The following ANK1 variants were observed in gnomAD, a reference collection of about 807,000 sequenced individuals.
The protein encoded by ANK1 is ankyrin-1.
A neutral mutation model predicts 210.4 loss-of-function variants in ANK1; 51 were observed. The observed-to-expected ratio is 0.24, with a 90% CI of 0.19 to 0.31. ANK1 has a LOEUF of 0.31. ANK1 is among the 10% of genes least tolerant of loss of function. The pLI is 1.00. For synonymous variants in ANK1, 967 were observed against 1,025.9 expected (o/e 0.94, Z 1.10); for missense variants, 2,051 against 2,504.4 (o/e 0.82, Z 3.86).
intron 24 of ANK1, 169 bp downstream of exon 24, chr8:41,697,874 C>T (rs1330013970): frequency 1.4e-6 from 1 of 727,500 alleles, no homozygotes; most frequent in South Asian, 1.5e-5. Flanking sequence ...CCAGCGCCAC[C>T]AATGTTGCAC....
At chr8:41,801,923 C>A (rs957851186), upstream of ANK1, among the ~76,000 whole-genome samples, 4 of 152,154 alleles carry the variant, frequency 2.6e-5, no homozygotes, top group Non-Finnish European at 5.9e-5. Flanking sequence ...AAGGAGTCCA[C>A]TTCTACCCTG....
intron 1 of ANK1, among the ~76,000 whole-genome samples, chr8:41,864,429 C>A (rs1377767831): frequency 6.6e-6 from 1 of 152,128 alleles, no homozygotes; most frequent in Non-Finnish European, 1.5e-5. Flanking sequence ...GGCGAGCCAG[C>A]CTGTGAGTGC....
At chr8:41,751,620 A>T (rs1364163440) in intron 2 of ANK1, among the ~76,000 whole-genome samples, 1 of 152,106 alleles carries the variant, frequency 6.6e-6, no homozygotes, top group Non-Finnish European at 1.5e-5. Context: ...AGACCAACAC[A>T]TCTGGGGTGA....
In ANK1 at chr8:41,831,362, T is replaced by C. The variant is rs768781280; in HGVS notation, c.126+64993A>G. ...TATTTACCTGATAAATGAAAACCCATGTTTGCCGGGCATGGTGGCTCATGC... is the reference window on the plus strand; with the variant it reads ...TATTTACCTGATAAATGAAAACCCACGTTTGCCGGGCATGGTGGCTCATGC... On this transcript the variant is annotated intron_variant, in intron 1 of 42. Coordinates refer to the ANK1 transcript ENST00000265709. Among the ~76,000 whole-genome samples, 4 of 152,122 alleles carry C rather than the reference T, an allele frequency of 2.6e-5. No individual in the cohort carries two copies. The East Asian group carries it at 7.7e-4, about 29-fold the overall frequency.
intron 1 of ANK1, among the ~76,000 whole-genome samples, chr8:41,857,851 A>T (rs1424842480): frequency 6.6e-6 from 1 of 151,826 alleles, no homozygotes; most frequent in Admixed American, 6.6e-5. Flanking sequence ...TTGCAGTGAG[A>T]CAAGATCATG....
chr8:41,661,022 G>A (rs892265915), intron 42 of ANK1: 1 of 280,556 alleles, frequency 3.6e-6, no homozygotes, highest in East Asian at 1.0e-4. Flanking sequence ...TTTTCAAAGA[G>A]CATTTTTTTC....
intron 1 of ANK1, among the ~76,000 whole-genome samples, chr8:41,773,920 C>T (rs1843480105): frequency 6.6e-6 from 1 of 152,198 alleles, no homozygotes; most frequent in Non-Finnish European, 1.5e-5. Flanking sequence ...GAGAAATAAA[C>T]AGGCATCCAA....
At chr8:41,788,605 T>C (rs1846939832) in intron 1 of ANK1, among the ~76,000 whole-genome samples, 1 of 152,222 alleles carries the variant, frequency 6.6e-6, no homozygotes, top group African/African-American at 2.4e-5. Flanking sequence ...AAGCATTAAA[T>C]ATGCTGCGAT....
intron 1 of ANK1, among the ~76,000 whole-genome samples, chr8:41,866,765 T>C (rs1814545220): frequency 6.6e-6 from 1 of 152,236 alleles, no homozygotes; most frequent in Admixed American, 6.5e-5. Flanking sequence ...GGTTCACCCA[T>C]GTGGCAGGTG....
At chr8:41,828,757 G>C (rs1324709809) in intron 1 of ANK1, 1 of 152,384 alleles carries the variant, frequency 6.6e-6, no homozygotes, top group Admixed American at 6.5e-5. Context: ...TACATCTTTG[G>C]GGAGAGGGCA....
intron 42 of ANK1, 89 bp from the exon 43 acceptor site, chr8:41,655,842 G>C: frequency 1.4e-6 from 2 of 1,443,108 alleles, no homozygotes; most frequent in South Asian, 2.3e-5. Flanking sequence ...TGTGCTGGCA[G>C]CTCAGGCCGA....
At chr8:41,876,045 AC>A in intron 1 of ANK1, among the ~76,000 whole-genome samples, 1 of 152,010 alleles carries the variant, frequency 6.6e-6, no homozygotes, top group Admixed American at 6.5e-5. Flanking sequence ...GCGGCCCGCA[AC>A]CGGCAGGGCA....
At chr8:41,800,314 G>A (rs560967842), upstream of ANK1, among the ~76,000 whole-genome samples, 57 of 152,134 alleles carry the variant, frequency 3.7e-4, no homozygotes, top group African/African-American at 1.2e-3. Context: ...ATTCACTCTC[G>A]TCAGATCCAG....
chr8:41,892,992 C>A (rs1295147463), intron 1 of ANK1, among the ~76,000 whole-genome samples: 2 of 152,130 alleles, frequency 1.3e-5, no homozygotes, highest in African/African-American at 2.4e-5. Flanking sequence ...TTGCAGGTAT[C>A]CGGCTTAGTG....
chr8:41,704,602 A>C lies in ANK1; in HGVS notation c.2098-130T>G. On this transcript the variant is annotated intron_variant, in intron 18 of 42. Transcript: ENST00000289734. The surrounding 1 kb of genome is among the most constrained non-coding windows in gnomAD (Gnocchi z 4.1). ...CTTGAAGGCTGACATTGACAAGCTG[A>C]ATGGCTGCTGCTGGGCAGAGACCAC... 1.2e-6 allele frequency: 1 copy of C among 806,762 alleles called. No individual in the cohort carries two copies. The highest frequency in any genetic ancestry group is 2.1e-6 in the Non-Finnish European group (1 of 473,766). 50.0% of individuals were successfully genotyped at this position (806,762 alleles called of 1,614,324 possible). A position where few individuals can be genotyped will look rare whatever the true frequency, so the allele number is the denominator to read the frequency against.
rs562589560 is a variant in ANK1, at chr8:41,694,899, G to A, written c.3116-96C>T. 17 of 1,302,782 alleles carry A rather than the reference G, an allele frequency of 1.3e-5. No homozygotes were observed. The African/African-American group carries it at 2.3e-4, about 18-fold the overall frequency. 80.7% of individuals were successfully genotyped at this position (1,302,782 alleles called of 1,614,324 possible). On this transcript the variant is annotated intron_variant, in intron 27 of 42. Transcript: ENST00000289734. The surrounding 1 kb of genome is among the most constrained non-coding windows in gnomAD (Gnocchi z 5.7). ...AGTCTCCTTGTCCCCAAGACCCAGT[G>A]CACACACCCTCCCCAGGTGCCGGGC...
chr8:41,846,788 T>G (rs1206129260), intron 1 of ANK1, among the ~76,000 whole-genome samples: 1 of 152,140 alleles, frequency 6.6e-6, no homozygotes, highest in African/African-American at 2.4e-5. Context: ...GGACCCCTTT[T>G]TCCCACACCC....
At position 41,702,171 on chromosome 8, in the gene ANK1, T is replaced by G. The variant is rs774216978; in HGVS notation, c.2296-27A>C. The G allele has an allele frequency of 1.9e-6, 3 of 1,592,306 alleles. No individual in the cohort carries two copies. The Admixed American group carries it at 5.0e-5, about 27-fold the overall frequency. On this transcript the variant is annotated intron_variant, in intron 20 of 42. Transcript: ENST00000289734. ...TGGGGAAAGAGCAGCCCGGGTGCAGTCAGACAGGGGATGGAGTCTAGGAGG... is the reference window on the plus strand; with the variant it reads ...TGGGGAAAGAGCAGCCCGGGTGCAGGCAGACAGGGGATGGAGTCTAGGAGG...
intron 1 of ANK1, among the ~76,000 whole-genome samples, chr8:41,849,018 C>T (rs1209895226): frequency 6.6e-6 from 1 of 152,218 alleles, no homozygotes; most frequent in African/African-American, 2.4e-5. Flanking sequence ...GAAGTTTCCA[C>T]CCTCCAGGGC....
Sources: allele counts gnomAD v4.1 joint callset (sites outside exome capture counted in the v4.1 genomes callset), GRCh38; gene constraint gnomAD v4.1.1; non-coding constraint Gnocchi (gnomAD v3.1); transcripts MANE v1.5; gene names NCBI Gene and HGNC (gene_info 2026-07-23, HGNC 2026-07-21).